The following CDC23 variants were observed in gnomAD, a reference collection of about 807,000 sequenced individuals.
CDC23 encodes the protein cell division cycle protein 23 homolog.
Under a neutral mutation model 81.7 loss-of-function variants are expected in CDC23, and 26 were observed. The observed-to-expected ratio is 0.32, with a 90% CI of 0.23 to 0.44. CDC23 has a LOEUF of 0.44. CDC23 is among the 20% of genes least tolerant of loss of function. The probability of loss-of-function intolerance (pLI) is 1.00; values close to 1 mark genes in which losing one functional copy is unlikely to be tolerated. For missense variants in CDC23, 519 were observed against 728.0 expected, an observed-to-expected ratio of 0.71 and a Z score of 3.30; for synonymous variants, 267 against 270.8, an observed-to-expected ratio of 0.99 and a Z score of 0.14.
chr5:138,198,803 G>T, intron 6 of CDC23, 21 bp from the exon 7 acceptor site: 1 of 1,609,206 alleles, frequency 6.2e-7, no homozygotes, highest in South Asian at 1.1e-5. Flanking sequence ...GAGAGAGAGG[G>T]ACACACTTAA....
At position 138,192,675 on chromosome 5, in the gene CDC23, A is replaced by C. The variant is rs779100177; in HGVS notation, c.1013-18T>G. On this transcript the variant is annotated intron_variant, in intron 9 of 15. Transcript: ENST00000394886. ...ATAATTGCCTGATTAAAAATCAAAC[A>C]AAAAAATGAATAATCAGAAAGGTAA... 3.1e-6 allele frequency: 5 copies of C among 1,593,488 alleles called. No individual in the cohort carries two copies. The South Asian group carries it at 5.7e-5, about 18-fold the overall frequency.
chr5:138,210,119 G>A (rs1755097488), intron 2 of CDC23, among the ~76,000 whole-genome samples: 1 of 151,614 alleles, frequency 6.6e-6, no homozygotes, highest in African/African-American at 2.4e-5. Flanking sequence ...AGGAGGCTGG[G>A]ACAGGAGAAT....
chr5:138,189,970 TA>T (rs2151235633), intron 13 of CDC23, 64 bp from the exon 14 acceptor site: 2 of 1,433,424 alleles, frequency 1.4e-6, no homozygotes, highest in Non-Finnish European at 2.0e-6. Flanking sequence ...ATAAAAAAAG[TA>T]AAAGTACATA....
At position 138,213,287 on chromosome 5, in the gene CDC23, G is replaced by C. The variant is rs2231471; in HGVS notation, c.26C>G (p.Pro9Arg). 158 of 1,613,984 alleles carry C rather than the reference G, an allele frequency of 9.8e-5. No individual in the cohort carries two copies. The highest frequency in any genetic ancestry group is 1.3e-4 in the Non-Finnish European group (154 of 1,180,022). The change falls in exon 1 of 16, where the codon CCG becomes CGG. Residue 9 changes from proline to arginine, a missense_variant. Physicochemically the swap from Pro to Arg is moderately radical, Grantham distance 103. Around this residue, in one of 4 missense-constraint regions of CDC23, gnomAD observed 126 missense variants for 116.2 expected, o/e 1.08. Coordinates refer to ENST00000394886, the MANE Select transcript of CDC23 (RefSeq NM_004661.4). ...CGCCACTGCCGCCGTCACAGCCACC[G>C]GGACCATGGAGGTACTCGCAGCCAT... MAASTSMV[P>R]VAVTAAVAPV... is the part of the protein sequence containing the mutation.
rs1194235904 is a variant in CDC23 at position 138,198,483 on chromosome 5, T to C, written c.873A>G (p.Lys291=). The C allele has an allele frequency of 5.0e-6, 8 of 1,614,186 alleles. No individual in the cohort carries two copies. Among genetic ancestry groups the C allele is most frequent in the Non-Finnish European group, 6.8e-6 (8 of 1,180,034 alleles). The part of the protein sequence containing the change: ...KALSIFNELR[K]QDPYRIENMD... ...TATTTTCAATCCTGTAAGGGTCTTG[T>C]TTCCTTAGCTCATTAAAAATGGAGA... is the stretch of plus-strand genomic sequence containing the variant. Residue 291 remains lysine (K), a synonymous_variant, in exon 8 of 16, where the codon AAA becomes AAG. Transcript: ENST00000394886.
intron 13 of CDC23, among the ~76,000 whole-genome samples, chr5:138,191,226 C>T (rs1174693892): frequency 1.3e-5 from 2 of 152,086 alleles, no homozygotes; most frequent in East Asian, 1.9e-4. Context: ...GAACTCCTGA[C>T]CTCAGGTCAT....
intron 9 of CDC23, among the ~76,000 whole-genome samples, chr5:138,195,301 A>T (rs1754872439): frequency 6.6e-6 from 1 of 150,734 alleles, no homozygotes; most frequent in East Asian, 1.9e-4. Context: ...CACTTTAAAA[A>T]ATCTCCTTTA....
chr5:138,201,593 C>T (rs1754990353), intron 4 of CDC23, 145 bp from the exon 5 acceptor site: 10 of 602,272 alleles, frequency 1.7e-5, no homozygotes, highest in Admixed American at 3.4e-5. Context: ...GTGATCCTTC[C>T]GCCTCAGACT....
rs375114979 is a variant in CDC23, at chr5:138,202,144, T to C, written c.384A>G (p.Lys128=). 46 of 1,611,270 alleles carry C rather than the reference T, an allele frequency of 2.9e-5. No homozygotes were observed. The African/African-American group carries it at 5.2e-4, about 18-fold the overall frequency. The change falls in exon 4 of 16, where the codon AAA becomes AAG. Residue 128 remains lysine, a synonymous_variant. Coordinates refer to ENST00000394886, the MANE Select transcript of CDC23 (RefSeq NM_004661.4). ...YMYSRYLSGE[K]KKDDETVDSL... Reference sequence around the variant, plus strand: ...TATCAACTGTTTCATCGTCCTTCTTTTTTTCTCCAGACTGTAAGAGAAAAT... The same window carrying C: ...TATCAACTGTTTCATCGTCCTTCTTCTTTTCTCCAGACTGTAAGAGAAAAT...
At position 138,201,254 on chromosome 5, in the gene CDC23, A is replaced by T. The variant is rs377010253; in HGVS notation, c.522-15T>A. ...CCACACCATACCTGGGAAAAAAAAG[A>T]AACAATCACAGAAGTTAATGCTATT... is the stretch of plus-strand genomic sequence containing the variant. On this transcript the variant is annotated splice_polypyrimidine_tract_variant and intron_variant, in intron 5 of 15. Transcript: ENST00000394886. 4.3e-5 allele frequency: 69 copies of T among 1,613,700 alleles called. No homozygotes were observed. The highest frequency in any genetic ancestry group is 5.1e-6 in the Non-Finnish European group (6 of 1,179,966).
intron 6 of CDC23, 184 bp downstream of exon 6, chr5:138,200,923 A>G (rs748270138): frequency 2.1e-5 from 12 of 583,644 alleles, no homozygotes; most frequent in Middle Eastern, 4.4e-4. Flanking sequence ...CAACTACTGA[A>G]AAAGAGCTAG....
chr5:138,190,066 T>C (rs565631647), intron 13 of CDC23, 160 bp from the exon 14 acceptor site: 14 of 624,460 alleles, frequency 2.2e-5, no homozygotes, highest in African/African-American at 3.7e-5. Context: ...GATGTGATAG[T>C]TACTGTTATC....
rs114418156 is a variant in CDC23 at position 138,197,435 on chromosome 5, A to G, written c.1012+764T>C. 9.9e-3 allele frequency among the ~76,000 whole-genome samples: 1,495 copies of G among 151,350 alleles called. 90 individuals carry two copies. Among genetic ancestry groups the G allele is most frequent in the African/African-American group, 0.035 (1,416 of 40,772 alleles). ...AAAAAAAAGGAAGTTAGATAGCACT[A>G]TGTATAATGATACAGTTTTGGCAAG... On this transcript the variant is annotated intron_variant, in intron 9 of 15. Coordinates refer to ENST00000394886, the MANE Select transcript of CDC23 (RefSeq NM_004661.4).
intron 9 of CDC23, among the ~76,000 whole-genome samples, chr5:138,196,199 G>GA (rs1030249208): frequency 2.7e-5 from 4 of 149,464 alleles, no homozygotes; most frequent in Non-Finnish European, 5.9e-5. Context: ...ATATATTAAG[G>GA]AAAAAAAACA....
chr5:138,209,470 C>T (rs1364881947), intron 2 of CDC23, among the ~76,000 whole-genome samples: 1 of 150,874 alleles, frequency 6.6e-6, no homozygotes, highest in African/African-American at 2.4e-5. Flanking sequence ...AAGTCCAAGA[C>T]AAAGGATAAC....
rs142601379 is a variant in CDC23, at chr5:138,198,692, G to T, written c.745C>A (p.Gln249Lys). 33 of 1,613,958 alleles carry T rather than the reference G, an allele frequency of 2.0e-5. No individual in the cohort carries two copies. Among genetic ancestry groups the T allele is most frequent in the Non-Finnish European group, 2.8e-5 (33 of 1,179,996 alleles). Reference sequence around the variant, plus strand: ...ACATCAATGAGATTCTGATACTTTTGCAGGGCCTCCTCTATCAACTGCAAC... The same window carrying T: ...ACATCAATGAGATTCTGATACTTTTTCAGGGCCTCCTCTATCAACTGCAAC... ...TELQLIEEAL[Q>K]KYQNLIDVGF... is the part of the protein sequence containing the mutation. Residue 249 changes from glutamine to lysine, a missense_variant, in exon 7 of 16, where the codon CAA becomes AAA. By Grantham distance (53) the Gln-to-Lys change is moderately conservative. Coordinates refer to ENST00000394886, the MANE Select transcript of CDC23 (RefSeq NM_004661.4).
chr5:138,188,024 T>C lies in CDC23; in HGVS notation c.*954A>G, dbSNP rs1754775139. 3 of 152,656 alleles carry C rather than the reference T, an allele frequency of 2.0e-5. No individual in the cohort carries two copies. The highest frequency in any genetic ancestry group is 7.2e-5 in the African/African-American group (3 of 41,430). 9.5% of individuals were successfully genotyped at this position (152,656 alleles called of 1,614,324 possible). On this transcript the variant is annotated 3_prime_UTR_variant, in exon 16 of 16. Coordinates refer to ENST00000394886, the MANE Select transcript of CDC23 (RefSeq NM_004661.4). Reference sequence around the variant, plus strand: ...CATATTACCTCCTGCTGTACACACATGCACAGGCCTGAAACTCTCCAAGAG... The same window carrying C: ...CATATTACCTCCTGCTGTACACACACGCACAGGCCTGAAACTCTCCAAGAG...
At position 138,188,111 on chromosome 5, in the gene CDC23, G is replaced by A. The variant is rs902179450; in HGVS notation, c.*867C>T. The A allele has an allele frequency of 1.3e-5, 2 of 152,096 alleles. No homozygotes were observed. The highest frequency in any genetic ancestry group is 4.8e-5 in the African/African-American group (2 of 41,400). The allele number at this position is 152,096 out of a possible 1,614,324, so 9.4% of individuals were successfully genotyped here. A position where few individuals can be genotyped will look rare whatever the true frequency, so the allele number is the denominator to read the frequency against. ...AAGGCTGAAAAAAATGTATTCTGTTGCAGATGGGAGGGAAAAAAATAGACA... is the reference window on the plus strand; with the variant it reads ...AAGGCTGAAAAAAATGTATTCTGTTACAGATGGGAGGGAAAAAAATAGACA... On this transcript the variant is annotated 3_prime_UTR_variant, in exon 16 of 16. Coordinates refer to ENST00000394886, the MANE Select transcript of CDC23 (RefSeq NM_004661.4).
At chr5:138,189,974 A>T in intron 13 of CDC23, 68 bp from the exon 14 acceptor site, 1 of 1,402,766 alleles carries the variant, frequency 7.1e-7, no homozygotes, top group Non-Finnish European at 1.0e-6. Context: ...AAAAAGTAAA[A>T]GTACATAAGA....
Sources: gnomAD v4.1 joint callset for allele counts (sites outside exome capture counted in the v4.1 genomes callset) on GRCh38, gnomAD v4.1.1 for gene constraint, gnomAD v4.1.1 regional missense constraint, MANE v1.5 for transcripts, NCBI Gene and HGNC (gene_info 2026-07-23, HGNC 2026-07-21) for gene names.